Variants in ITPR1 observed in about 807,000 individuals in gnomAD.
ITPR1 encodes the protein inositol 1,4,5-trisphosphate receptor type 1, also known as inositol 1,4,5-trisphosphate-gated calcium channel ITPR1.
ITPR1 carries 96 observed loss-of-function variants against 318.4 expected under a neutral mutation model. The ratio of observed to expected loss-of-function variants is 0.30; its 90% confidence interval spans 0.26 to 0.36. The LOEUF (loss-of-function observed/expected upper bound fraction) is 0.36. Among genes scored for constraint, ITPR1 ranks in the 10% least tolerant of loss-of-function variants. ITPR1 has a pLI of 1.00. For synonymous variants in ITPR1, 1,312 were observed against 1,289.9 expected (o/e 1.02, Z -0.37); for missense variants, 2,440 against 3,460.2 (o/e 0.71, Z 7.40).
At chr3:4,560,628 T>C (rs2086580332) in intron 4 of ITPR1, among the ~76,000 whole-genome samples, 1 of 152,226 alleles carries the variant, frequency 6.6e-6, no homozygotes, top group Non-Finnish European at 1.5e-5. Flanking sequence ...GGATTTGGAC[T>C]TTTTCTTTCA....
chr3:4,615,266 C>T (rs1334034318), intron 4 of ITPR1, among the ~76,000 whole-genome samples: 1 of 152,128 alleles, frequency 6.6e-6, no homozygotes, highest in African/African-American at 2.4e-5. Flanking sequence ...ATCTGAACAA[C>T]TAAGTGTGGG....
rs541811559 is a variant in ITPR1 at position 4,564,241 on chromosome 3, G to A, written c.163+43147G>A. ...CAGGCGTGAGCCACCGCACCCGGCC[G>A]GGATTGGTTCCTTCTGAAGGCATAG... On this transcript the variant is annotated intron_variant, in intron 4 of 61. Coordinates refer to ENST00000649015, the MANE Select transcript of ITPR1 (RefSeq NM_001378452.1). Among the ~76,000 whole-genome samples, 135 of 152,120 alleles carry A rather than the reference G, an allele frequency of 8.9e-4. 2 individuals carry two copies. In the South Asian group the frequency reaches 9.0e-3, roughly 10 times the overall value.
intron 15 of ITPR1, among the ~76,000 whole-genome samples, chr3:4,662,818 G>T (rs1221790055): frequency 6.6e-6 from 1 of 152,126 alleles, no homozygotes; most frequent in Non-Finnish European, 1.5e-5. Context: ...CAGGGAATGA[G>T]GTTACTCTGA....
At chr3:4,528,282 T>C (rs1449735965) in intron 4 of ITPR1, among the ~76,000 whole-genome samples, 2 of 152,230 alleles carry the variant, frequency 1.3e-5, no homozygotes, top group Non-Finnish European at 2.9e-5. Context: ...AGCCTTGTGC[T>C]GTCCAGAAAT....
intron 2 of ITPR1, among the ~76,000 whole-genome samples, chr3:4,505,408 G>T (rs1262506423): frequency 6.6e-6 from 1 of 152,194 alleles, no homozygotes; most frequent in African/African-American, 2.4e-5. Context: ...GGCCAGGATG[G>T]TCTCAAACTC....
At chr3:4,672,130 T>G (rs2094100535) in intron 20 of ITPR1, among the ~76,000 whole-genome samples, 1 of 152,222 alleles carries the variant, frequency 6.6e-6, no homozygotes, top group African/African-American at 2.4e-5. Context: ...AGGAAACATC[T>G]TCATTCAAAT....
In ITPR1 at chr3:4,539,022, T is replaced by G. The variant is rs111536370; in HGVS notation, c.163+17928T>G. 6.8e-4 allele frequency among the ~76,000 whole-genome samples: 104 copies of G among 152,334 alleles called. 2 individuals are homozygous for G. Among genetic ancestry groups the G allele is most frequent in the African/African-American group, 2.3e-3 (97 of 41,574 alleles). ...AACACATGCACATCCTGCACATGTA[T>G]TCCAGAACTTAAGATTTTAAAAAAT... On this transcript the variant is annotated intron_variant, in intron 4 of 61. Coordinates refer to ENST00000649015, the MANE Select transcript of ITPR1 (RefSeq NM_001378452.1).
chr3:4,741,081 T>C (rs2043667739), intron 44 of ITPR1, among the ~76,000 whole-genome samples: 1 of 152,200 alleles, frequency 6.6e-6, no homozygotes, highest in Admixed American at 6.5e-5. Flanking sequence ...TGTTCCTTCC[T>C]CCTAAGATGT....
chr3:4,571,397 G>A (rs2087971755), intron 4 of ITPR1, among the ~76,000 whole-genome samples: 1 of 151,986 alleles, frequency 6.6e-6, no homozygotes, highest in Non-Finnish European at 1.5e-5. Context: ...CTGGAGTGCA[G>A]TGGCATGATC....
intron 20 of ITPR1, 90 bp from the exon 21 acceptor site, chr3:4,673,046 C>A: frequency 7.1e-7 from 1 of 1,402,898 alleles, no homozygotes; most frequent in Admixed American, 2.1e-5. Context: ...AAATGTCACT[C>A]CCATGACAGT....
Position 4,523,281 on chromosome 3 carries a change from T to C in ITPR1, c.163+2187T>C, listed in dbSNP as rs140638113. ...TACGAAGTTAACTAGTGGCTATTTGTTTTTTACAAATACATGCACATAATT... is the reference window on the plus strand; with the variant it reads ...TACGAAGTTAACTAGTGGCTATTTGCTTTTTACAAATACATGCACATAATT... On this transcript the variant is annotated intron_variant, in intron 4 of 61. Coordinates refer to ENST00000649015, the MANE Select transcript of ITPR1 (RefSeq NM_001378452.1). Among the ~76,000 whole-genome samples, 521 of 152,250 alleles carry C rather than the reference T, an allele frequency of 3.4e-3. 3 individuals carry two copies. Among genetic ancestry groups the C allele is most frequent in the African/African-American group, 0.012 (497 of 41,546 alleles).
chr3:4,822,007 G>A (rs1357086942), intron 60 of ITPR1, among the ~76,000 whole-genome samples: 1 of 152,196 alleles, frequency 6.6e-6, no homozygotes, highest in Non-Finnish European at 1.5e-5. Flanking sequence ...CTACTATGAA[G>A]TCCTCACTAC....
At position 4,669,696 on chromosome 3, in the gene ITPR1, A is replaced by G. The variant is rs1332239052; in HGVS notation, c.1929A>G (p.Lys643=). 1 of 1,613,326 alleles carries G rather than the reference A, an allele frequency of 6.2e-7. No individual in the cohort carries two copies. The highest frequency in any genetic ancestry group is 8.5e-7 in the Non-Finnish European group (1 of 1,179,442). Residue 643 remains lysine (K), a synonymous_variant, in exon 19 of 62, where the codon AAA becomes AAG. Transcript: ENST00000649015. The part of the protein sequence containing the change: ...YLSDLCVSMN[K]SIPVTQELIC... ...CCGACCTCTGTGTCTCCATGAACAA[A>G]TCAATTCCAGTGACCCAGGAACTGA...
Position 4,493,470 on chromosome 3 carries a change from C to G in ITPR1, c.-228C>G, listed in dbSNP as rs1168374501. ...GGGTGGAGAGAGAGAAAGCGCACGCCGAGAGGAGGTGTGGGTGTTCCGCTT... is the reference window on the plus strand; with the variant it reads ...GGGTGGAGAGAGAGAAAGCGCACGCGGAGAGGAGGTGTGGGTGTTCCGCTT... On this transcript the variant is annotated 5_prime_UTR_variant, in exon 1 of 62. Coordinates refer to ENST00000649015, the MANE Select transcript of ITPR1 (RefSeq NM_001378452.1). The G allele has an allele frequency of 6.5e-6, 1 of 154,084 alleles. No homozygotes were observed. The highest frequency in any genetic ancestry group is 2.4e-5 in the African/African-American group (1 of 41,444). 9.5% of individuals were successfully genotyped at this position (154,084 alleles called of 1,614,324 possible). A position where few individuals can be genotyped will look rare whatever the true frequency, so the allele number is the denominator to read the frequency against.
rs574463725 is a variant in ITPR1, at chr3:4,537,292, A to G, written c.163+16198A>G. ...TGTTTTCTTTATGTCAAAATTAACT[A>G]CTGATTCACATTCCTTATGTCTTTA... On this transcript the variant is annotated intron_variant, in intron 4 of 61. Coordinates refer to ENST00000649015, the MANE Select transcript of ITPR1 (RefSeq NM_001378452.1). Among the ~76,000 whole-genome samples, 4 of 152,304 alleles carry G rather than the reference A, an allele frequency of 2.6e-5. No individual in the cohort carries two copies. In the South Asian group the frequency reaches 6.2e-4, roughly 24 times the overall value.
At chr3:4,548,735 C>G (rs1391677754) in intron 4 of ITPR1, among the ~76,000 whole-genome samples, 1 of 152,092 alleles carries the variant, frequency 6.6e-6, no homozygotes. Context: ...AATTGAAAAG[C>G]CACTAGCCCT....
intron 44 of ITPR1, among the ~76,000 whole-genome samples, chr3:4,759,862 C>T (rs1247305521): frequency 6.6e-6 from 1 of 152,246 alleles, no homozygotes; most frequent in Admixed American, 6.5e-5. Flanking sequence ...GCCATGCCCA[C>T]TTCCCTTTCC....
intron 61 of ITPR1, among the ~76,000 whole-genome samples, chr3:4,837,228 T>C (rs890790058): frequency 3.3e-5 from 5 of 152,166 alleles, no homozygotes; most frequent in African/African-American, 1.2e-4. Flanking sequence ...TTCAGTGAAG[T>C]ACTGTCCAAA....
chr3:4,838,807 A>T lies in ITPR1; in HGVS notation c.8190+1872A>T, dbSNP rs376047108. On this transcript the variant is annotated intron_variant, in intron 61 of 61. Coordinates refer to ENST00000649015, the MANE Select transcript of ITPR1 (RefSeq NM_001378452.1). ...TTGATCTGAGAAACTGGGTGTTACC[A>T]ATTTACTAGAGAGTTTCTTAAAATG... 8.6e-4 allele frequency among the ~76,000 whole-genome samples: 131 copies of T among 152,334 alleles called. 1 individual carries two copies. The highest frequency in any genetic ancestry group is 3.1e-3 in the African/African-American group (129 of 41,578).
Sources: gnomAD v4.1 joint callset for allele counts (sites outside exome capture counted in the v4.1 genomes callset) on GRCh38, gnomAD v4.1.1 for gene constraint, MANE v1.5 for transcripts, NCBI Gene and HGNC (gene_info 2026-07-23, HGNC 2026-07-21) for gene names.